SLC9A3: variants seen among roughly 807,000 people sequenced by gnomAD.
The protein encoded by SLC9A3 is sodium/hydrogen exchanger 3.
Under a neutral mutation model 86.8 loss-of-function variants are expected in SLC9A3, and 37 were observed. That is an observed-to-expected ratio of 0.43 (90% CI 0.33 to 0.56). SLC9A3 has a LOEUF of 0.56. SLC9A3 is among the 20% of genes least tolerant of loss of function. The pLI is 0.06. For synonymous variants in SLC9A3, 581 were observed against 528.3 expected, an observed-to-expected ratio of 1.10 and a Z score of -1.37; for missense variants, 1,011 against 1,171.9, an observed-to-expected ratio of 0.86 and a Z score of 2.00.
intron 16 of SLC9A3, among the ~76,000 whole-genome samples, chr5:474,192 G>GA: frequency 1.1e-5 from 1 of 88,830 alleles, no homozygotes; most frequent in Middle Eastern, 6.9e-3. Context: ...AGGCGGGGAG[G>GA]GAGAGAGAGA....
chr5:473,738 C>T (rs557650988), intron 16 of SLC9A3, among the ~76,000 whole-genome samples: 3 of 152,334 alleles, frequency 2.0e-5, no homozygotes, highest in South Asian at 4.1e-4. Context: ...CCCCCGGGTG[C>T]CTCCCAGGCC....
chr5:474,231 ACAGCGCGC>A (rs1187414753), intron 16 of SLC9A3, among the ~76,000 whole-genome samples: 1 of 46,190 alleles, frequency 2.2e-5, no homozygotes, highest in Admixed American at 1.8e-4. Flanking sequence ...GAGGAGAGAG[ACAGCGCGC>A]GCGAGGCGGA....
chr5:523,146 G>A (rs1186491823), intron 1 of SLC9A3, among the ~76,000 whole-genome samples: 1 of 152,172 alleles, frequency 6.6e-6, no homozygotes, highest in East Asian at 1.9e-4. Flanking sequence ...GGCATAAATA[G>A]GGCAGGCGGC....
rs1560945343 is a variant in SLC9A3, at chr5:472,791, G to T, written c.*588C>A. The T allele has an allele frequency of 1.7e-6, 1 of 581,144 alleles. No homozygotes were observed. Among genetic ancestry groups the T allele is most frequent in the South Asian group, 1.5e-5 (1 of 65,580 alleles). 36.0% of individuals were successfully genotyped at this position (581,144 alleles called of 1,614,324 possible). A position where few individuals can be genotyped will look rare whatever the true frequency, so the allele number is the denominator to read the frequency against. ...GGCCCTGAGTCCTGGCGCTCGGGAG[G>T]TCCCTGAGTCGGTCCCCGAGTCAGT... On this transcript the variant is annotated 3_prime_UTR_variant, in exon 17 of 17. Coordinates refer to ENST00000264938, the MANE Select transcript of SLC9A3 (RefSeq NM_004174.4).
rs200473589 is a variant in SLC9A3 at position 491,943 on chromosome 5, C to T, written c.340G>A (p.Val114Ile). 2.2e-5 allele frequency: 35 copies of T among 1,610,628 alleles called. No individual in the cohort carries two copies. The highest frequency in any genetic ancestry group is 1.7e-4 in the Middle Eastern group (1 of 6,056). ...GGGGGCAGCAGGTAGAAGAAGAAGA[C>T]GGTGGGCGTCAGTGTGAAGGACGCG... is the stretch of plus-strand genomic sequence containing the variant. ...HIASFTLTPT[V>I]FFFYLLPPIV... The change falls in exon 2 of 17, where the codon GTC (valine) becomes ATC (isoleucine). Residue 114 changes from valine (V) to isoleucine (I), a missense_variant. Val to Ile is a conservative substitution (Grantham distance 29). Transcript: ENST00000264938. The surrounding 1 kb of genome is among the most constrained non-coding windows in gnomAD (Gnocchi z 9.2).
At position 473,292 on chromosome 5, in the gene SLC9A3, T is replaced by C. The variant is rs1412251379; in HGVS notation, c.*87A>G. 3.1e-6 allele frequency: 4 copies of C among 1,309,258 alleles called. No individual in the cohort carries two copies. Among genetic ancestry groups the C allele is most frequent in the Non-Finnish European group, 3.9e-6 (4 of 1,018,302 alleles). 81.1% of individuals were successfully genotyped at this position (1,309,258 alleles called of 1,614,324 possible). ...CGGTCGCTGTAGCCGCGCGGGGATC[T>C]GGGGTTTCTCTGGGACAGCGGCGGC... On this transcript the variant is annotated 3_prime_UTR_variant, in exon 17 of 17. Transcript: ENST00000264938.
intron 4 of SLC9A3, 120 bp from the exon 5 acceptor site, chr5:484,817 T>A (rs1276262808): frequency 1.1e-6 from 1 of 923,208 alleles, no homozygotes; most frequent in Non-Finnish European, 1.6e-6. Flanking sequence ...TCCCTCACTC[T>A]CTTGGAGATC....
rs537890765 is a variant in SLC9A3 at position 509,801 on chromosome 5, G to A, written c.211+14311C>T. On this transcript the variant is annotated intron_variant, in intron 1 of 16. Coordinates refer to ENST00000264938, the MANE Select transcript of SLC9A3 (RefSeq NM_004174.4). ...AGAACCAGGAATGAGGAAGGCCTCC[G>A]TGTCTCGCATGGATGCCAGAAGAAG... Among the ~76,000 whole-genome samples the A allele has an allele frequency of 4.4e-4, 67 of 152,310 alleles. No individual in the cohort carries two copies. The South Asian group carries it at 5.0e-3, about 11-fold the overall frequency.
chr5:475,194 C>G, intron 15 of SLC9A3, 62 bp from the exon 16 acceptor site: 1 of 1,498,316 alleles, frequency 6.7e-7, no homozygotes, highest in Non-Finnish European at 8.9e-7. Context: ...GGGGAGACCT[C>G]GCCGGGGCCG....
At chr5:519,849 G>A (rs538994634) in intron 1 of SLC9A3, among the ~76,000 whole-genome samples, 9 of 152,260 alleles carry the variant, frequency 5.9e-5, no homozygotes, top group African/African-American at 1.7e-4. Context: ...GGGCTGCGCC[G>A]CTCAGAGCAG....
chr5:497,322 G>A lies in SLC9A3; in HGVS notation c.212-5251C>T, dbSNP rs1326536861. Among the ~76,000 whole-genome samples, 1 of 152,046 alleles carries A rather than the reference G, an allele frequency of 6.6e-6. No individual in the cohort carries two copies. Among genetic ancestry groups the A allele is most frequent in the African/African-American group, 2.4e-5 (1 of 41,380 alleles). ...ATTCCCTCCAGGTGCAGGAGTCGAC[G>A]CCCCCCACTGCCCTCGAAACCTGGT... On this transcript the variant is annotated intron_variant, in intron 1 of 16. Coordinates refer to ENST00000264938, the MANE Select transcript of SLC9A3 (RefSeq NM_004174.4). This position sits in a 1 kb window ranked among gnomAD's most constrained non-coding sequence, Gnocchi z 5.4.
At position 488,475 on chromosome 5, in the gene SLC9A3, G is replaced by T; in HGVS notation, c.516C>A (p.Gly172=). ...AGTCCAGCAGCCCAATCTGCAGGTC[G>T]CCTGGAAGACAAGCCGGGCCGCGGG... ...LYGVFLSGLM[G]DLQIGLLDFL... Residue 172 remains glycine (G), a splice_region_variant and synonymous_variant, in exon 3 of 17, where the codon GGC becomes GGA. Transcript: ENST00000264938. 4 of 1,559,078 alleles carry T rather than the reference G, an allele frequency of 2.6e-6. No homozygotes were observed. The highest frequency in any genetic ancestry group is 3.5e-6 in the Non-Finnish European group (4 of 1,149,518).
intron 7 of SLC9A3, 138 bp from the exon 8 acceptor site, chr5:482,295 G>T (rs1041773920): frequency 1.5e-5 from 11 of 714,332 alleles, no homozygotes; most frequent in Non-Finnish European, 2.4e-5. Flanking sequence ...AGCAACCCGC[G>T]CCCCTGCTTT....
intron 1 of SLC9A3, among the ~76,000 whole-genome samples, chr5:522,158 C>T (rs539624536): frequency 3.3e-5 from 5 of 152,210 alleles, no homozygotes; most frequent in Admixed American, 6.5e-5. Context: ...CAAAGACAGC[C>T]GCTGAGTGCT....
chr5:503,353 C>T lies in SLC9A3; in HGVS notation c.212-11282G>A, dbSNP rs549691994. Among the ~76,000 whole-genome samples the T allele has an allele frequency of 1.4e-3, 216 of 152,296 alleles. 2 individuals are homozygous for T. Among genetic ancestry groups the T allele is most frequent in the African/African-American group, 5.0e-3 (208 of 41,562 alleles). On this transcript the variant is annotated intron_variant, in intron 1 of 16. Transcript: ENST00000264938. ...GAGTTCAAGACCAGCCTGGGCAACA[C>T]AGCAAAACCCCTTCTCGACAAAATA...
chr5:482,426 G>T, intron 7 of SLC9A3, 122 bp downstream of exon 7: 1 of 834,940 alleles, frequency 1.2e-6, no homozygotes, highest in Non-Finnish European at 1.9e-6. Context: ...ACGGCTCCTA[G>T]TTACTAAAAT....
At chr5:521,134 C>T (rs1328501371) in intron 1 of SLC9A3, among the ~76,000 whole-genome samples, 7 of 152,260 alleles carry the variant, frequency 4.6e-5, no homozygotes, top group Non-Finnish European at 8.8e-5. Flanking sequence ...TCCGTGGCCT[C>T]GGCCCTTGCC....
At chr5:520,783 G>A (rs570595983) in intron 1 of SLC9A3, among the ~76,000 whole-genome samples, 4 of 151,958 alleles carry the variant, frequency 2.6e-5, no homozygotes, top group Non-Finnish European at 4.4e-5. Flanking sequence ...TTGCAGTCCT[G>A]ACACCTGCCA....
intron 1 of SLC9A3, among the ~76,000 whole-genome samples, chr5:514,756 C>G (rs1159181631): frequency 2.0e-5 from 3 of 152,258 alleles, no homozygotes; most frequent in African/African-American, 4.8e-5. Context: ...CCCATTCAGG[C>G]TTAAAGAAAC....
Sources: gnomAD v4.1 joint callset for allele counts (sites outside exome capture counted in the v4.1 genomes callset) on GRCh38, gnomAD v4.1.1 for gene constraint, Gnocchi (gnomAD v3.1) non-coding constraint, MANE v1.5 for transcripts, NCBI Gene and HGNC (gene_info 2026-07-23, HGNC 2026-07-21) for gene names.